BCKDHB: variants seen among roughly 807,000 people sequenced by gnomAD.
The protein encoded by BCKDHB is 2-oxoisovalerate dehydrogenase subunit beta, mitochondrial.
In BCKDHB, 41 loss-of-function variants were observed where a neutral mutation model predicts 48.5. The observed-to-expected ratio is 0.85, with a 90% confidence interval of 0.66 to 1.10. BCKDHB has a LOEUF of 1.10. BCKDHB is among the 50% of genes least tolerant of loss of function. The pLI, the probability that BCKDHB is intolerant of heterozygous loss-of-function variation, is 0.00. For missense variants in BCKDHB, 496 were observed against 494.2 expected, an observed-to-expected ratio of 1.00 and a Z score of -0.03; for synonymous variants, 201 against 174.8, an observed-to-expected ratio of 1.15 and a Z score of -1.18.
the BCKDHB span, among the ~76,000 whole-genome samples, chr6:80,447,728 G>A: frequency 2.6e-5 from 4 of 152,108 alleles, no homozygotes; most frequent in South Asian, 8.3e-4. Context: ...GGGAGTGGGG[G>A]AAGTCTGACT....
At chr6:80,150,585 C>A (rs1294353540) in intron 3 of BCKDHB, among the ~76,000 whole-genome samples, 1 of 136,090 alleles carries the variant, frequency 7.3e-6, no homozygotes, top group Non-Finnish European at 1.5e-5. Flanking sequence ...GAGATGGAGC[C>A]TTGCTCTGTC....
intron 1 of BCKDHB, among the ~76,000 whole-genome samples, chr6:80,120,093 T>A (rs534625498): frequency 4.6e-5 from 7 of 152,180 alleles, no homozygotes; most frequent in Non-Finnish European, 1.0e-4. Flanking sequence ...TTCCCACTTA[T>A]GAGTGAGAAC....
chr6:80,446,046 G>A, the BCKDHB span, among the ~76,000 whole-genome samples: 1 of 152,186 alleles, frequency 6.6e-6, no homozygotes, highest in South Asian at 2.1e-4. Flanking sequence ...GCCAAGGAAT[G>A]AGATTTGTTT....
At chr6:80,432,795 T>C in the BCKDHB span, among the ~76,000 whole-genome samples, 2 of 152,326 alleles carry the variant, frequency 1.3e-5, no homozygotes, top group African/African-American at 4.8e-5. Flanking sequence ...TTTGCTCTGG[T>C]TTCTTCCCAT....
the BCKDHB span, among the ~76,000 whole-genome samples, chr6:80,388,693 A>G: frequency 3.5e-4 from 53 of 152,292 alleles, 1 homozygote; most frequent in African/African-American, 1.1e-3. Context: ...TCTCTCTCTC[A>G]GCCTGCACCA....
At chr6:80,115,403 T>C (rs1192066586) in intron 1 of BCKDHB, among the ~76,000 whole-genome samples, 2 of 152,142 alleles carry the variant, frequency 1.3e-5, no homozygotes, top group African/African-American at 4.8e-5. Context: ...TAACTCTTAG[T>C]AGAGTTTAGA....
chr6:80,462,735 C>A, the BCKDHB span: 2 of 152,126 alleles, frequency 1.3e-5, no homozygotes, highest in Non-Finnish European at 2.9e-5. Flanking sequence ...CAAGTAGAAT[C>A]CAGAATGTTG....
intron 1 of BCKDHB, among the ~76,000 whole-genome samples, chr6:80,114,178 C>T (rs1295287635): frequency 2.0e-5 from 3 of 151,842 alleles, no homozygotes; most frequent in Admixed American, 6.6e-5. Flanking sequence ...GGTTCCCTGC[C>T]TCCAGACCCT....
chr6:80,106,769 CTTCCTGGCGCG>C lies in BCKDHB; in HGVS notation c.77_87del (p.Leu26ArgfsTer54). ...AGGGGCTGAGGGGCACTGGCGTCGG[CTTCCTGGCGCG>C]GGGCTGGCGCGGGGCTTTTTGCACC... On this transcript the variant is annotated frameshift_variant, in exon 1 of 10. Transcript: ENST00000320393. LOFTEE classifies it high-confidence loss of function. The C allele has an allele frequency of 6.3e-7, 1 of 1,586,204 alleles. No homozygotes were observed. Among genetic ancestry groups the C allele is most frequent in the Non-Finnish European group, 8.6e-7 (1 of 1,167,466 alleles).
At chr6:80,257,306 G>A (rs1777090174) in intron 8 of BCKDHB, among the ~76,000 whole-genome samples, 1 of 150,502 alleles carries the variant, frequency 6.6e-6, no homozygotes, top group Non-Finnish European at 1.5e-5. Context: ...CTTTTTCTGT[G>A]AATACACACA....
Position 80,201,026 on chromosome 6 carries a change from A to C in BCKDHB, c.835A>C (p.Thr279Pro), listed in dbSNP as rs775427993. The C allele has an allele frequency of 1.9e-6, 3 of 1,605,904 alleles. No individual in the cohort carries two copies. ...GSDVTLVAWG[T>P]QVHVIREVAS... Reference sequence around the variant, plus strand: ...TGATGTTACTCTAGTTGCCTGGGGCACTCAGGTGAGTAGCATTGATCCCAA... The same window carrying C: ...TGATGTTACTCTAGTTGCCTGGGGCCCTCAGGTGAGTAGCATTGATCCCAA... The change falls in exon 7 of 10, where the codon ACT becomes CCT. Residue 279 changes from threonine to proline, a missense_variant. Transcript: ENST00000320393.
At position 80,227,192 on chromosome 6, in the gene BCKDHB, G is replaced by T. The variant is rs184902366; in HGVS notation, c.951+23980G>T. Among the ~76,000 whole-genome samples, 430 of 152,328 alleles carry T rather than the reference G, an allele frequency of 2.8e-3. 2 individuals are homozygous for T. Among genetic ancestry groups the T allele is most frequent in the Admixed American group, 5.8e-3 (88 of 15,302 alleles). On this transcript the variant is annotated intron_variant, in intron 8 of 9. Transcript: ENST00000320393. ...AGATTGTCTATATTAAATAAAAGATGTAAGTCGTGTCTAATTTGTAGAAGT... is the reference window on the plus strand; with the variant it reads ...AGATTGTCTATATTAAATAAAAGATTTAAGTCGTGTCTAATTTGTAGAAGT...
At chr6:80,165,906 C>T (rs1313174597) in intron 3 of BCKDHB, among the ~76,000 whole-genome samples, 2 of 152,170 alleles carry the variant, frequency 1.3e-5, no homozygotes, top group African/African-American at 4.8e-5. Context: ...TTTGGGGCTC[C>T]TCCATGCTGT....
the BCKDHB span, among the ~76,000 whole-genome samples, chr6:80,453,583 G>C: frequency 6.6e-6 from 1 of 152,152 alleles, no homozygotes; most frequent in Non-Finnish European, 1.5e-5. Flanking sequence ...TGAGCAAGGA[G>C]ATATTATGTC....
chr6:80,323,811 T>C (rs542036907), intron 9 of BCKDHB, among the ~76,000 whole-genome samples: 7 of 152,326 alleles, frequency 4.6e-5, no homozygotes, highest in South Asian at 2.1e-4. Flanking sequence ...CTCGCTCTGT[T>C]GCCCAGGCTG....
At chr6:80,151,037 C>A (rs1771748867) in intron 3 of BCKDHB, among the ~76,000 whole-genome samples, 1 of 152,084 alleles carries the variant, frequency 6.6e-6, no homozygotes, top group Admixed American at 6.6e-5. Context: ...TATATGTGTA[C>A]TTATTCACAC....
the BCKDHB span, among the ~76,000 whole-genome samples, chr6:80,426,683 C>T: frequency 6.6e-6 from 1 of 152,072 alleles, no homozygotes. Context: ...GGTCAGAGAA[C>T]ACACTTTATA....
At chr6:80,387,352 G>A in the BCKDHB span, among the ~76,000 whole-genome samples, 1 of 139,436 alleles carries the variant, frequency 7.2e-6, no homozygotes, top group Non-Finnish European at 1.6e-5. Context: ...AGCCATTAGA[G>A]TTGCCTCTAC....
At chr6:80,385,514 G>A in the BCKDHB span, among the ~76,000 whole-genome samples, 8 of 152,174 alleles carry the variant, frequency 5.3e-5, no homozygotes, top group Non-Finnish European at 1.2e-4. Context: ...CCCATTCCCA[G>A]TAGTGGCAAC....
Sources: allele counts gnomAD v4.1 joint callset (sites outside exome capture counted in the v4.1 genomes callset), GRCh38; gene constraint gnomAD v4.1.1; transcripts MANE v1.5; gene names NCBI Gene and HGNC (gene_info 2026-07-23, HGNC 2026-07-21).